The following RBMS3 variants were observed in gnomAD, a reference collection of about 807,000 sequenced individuals.
The protein encoded by RBMS3 is RNA-binding motif, single-stranded-interacting protein 3.
RBMS3 carries 27 observed loss-of-function variants against 66.8 expected under a neutral mutation model. The observed-to-expected ratio is 0.40, with a 90% confidence interval of 0.30 to 0.56. RBMS3 has a LOEUF of 0.56. Among genes scored for constraint, RBMS3 ranks in the 20% least tolerant of loss-of-function variants. RBMS3 has a pLI of 0.40. For synonymous variants in RBMS3, 188 were observed against 183.0 expected, an observed-to-expected ratio of 1.03 and a Z score of -0.22; for missense variants, 513 against 549.5, an observed-to-expected ratio of 0.93 and a Z score of 0.66.
chr3:29,585,922 A>G (rs1172661352), intron 3 of RBMS3, among the ~76,000 whole-genome samples: 1 of 152,100 alleles, frequency 6.6e-6, no homozygotes, highest in African/African-American at 2.4e-5. Flanking sequence ...GGAGAAAAAG[A>G]AGACGAGATT....
chr3:29,736,942 T>C (rs2149344855), intron 4 of RBMS3, among the ~76,000 whole-genome samples: 1 of 152,290 alleles, frequency 6.6e-6, no homozygotes, highest in African/African-American at 2.4e-5. Context: ...CTTCTATTTA[T>C]GGCAAGTAAT....
chr3:29,744,783 C>CG (rs559679319), intron 5 of RBMS3, among the ~76,000 whole-genome samples: 1,151 of 87,776 alleles, frequency 0.013, 20 homozygotes, highest in African/African-American at 0.024. Context: ...GACTCCGTCT[C>CG]GGAAAAAAAA....
At position 29,962,551 on chromosome 3, in the gene RBMS3, C is replaced by CATATATATATATATATATATATAT. The variant is rs148691765; in HGVS notation, c.1098+18314_1098+18315insTATATATATATATATATATATATA. ...TCTGTTTTTAATATGGGTCAAGACT[C>CATATATATATATATATATATATAT]ATATATATATATATATAATACCATA... On this transcript the variant is annotated intron_variant, in intron 12 of 14. Transcript: ENST00000383767. Among the ~76,000 whole-genome samples the CATATATATATATATATATATATAT allele has an allele frequency of 2.3e-3, 307 of 135,124 alleles. 6 individuals are homozygous for CATATATATATATATATATATATAT. The highest frequency in any genetic ancestry group is 0.019 in the East Asian group (88 of 4,606). The allele number at this position is 135,124 out of a possible 152,430, so 88.6% of individuals were successfully genotyped here. A position where few individuals can be genotyped will look rare whatever the true frequency, so the allele number is the denominator to read the frequency against.
At chr3:29,872,957 G>C (rs1178221110) in intron 7 of RBMS3, among the ~76,000 whole-genome samples, 1 of 152,108 alleles carries the variant, frequency 6.6e-6, no homozygotes, top group Non-Finnish European at 1.5e-5. Flanking sequence ...ATGTGCCTAT[G>C]TGTTTTTGTA....
chr3:29,315,473 T>C (rs1017656609), intron 1 of RBMS3, among the ~76,000 whole-genome samples: 5 of 151,748 alleles, frequency 3.3e-5, no homozygotes, highest in Non-Finnish European at 5.9e-5. Flanking sequence ...TGTGCACATG[T>C]ATATACACAT....
intron 6 of RBMS3, among the ~76,000 whole-genome samples, chr3:29,782,633 C>T (rs1241772303): frequency 1.3e-5 from 2 of 152,028 alleles, no homozygotes; most frequent in African/African-American, 4.8e-5. Flanking sequence ...TCTTTAACAC[C>T]CCCAAAAGAT....
chr3:29,712,013 T>A (rs529918264), intron 4 of RBMS3, among the ~76,000 whole-genome samples: 8 of 152,284 alleles, frequency 5.3e-5, no homozygotes, highest in Admixed American at 1.3e-4. Context: ...CTTTTTCTTC[T>A]TTATGTGATT....
intron 6 of RBMS3, among the ~76,000 whole-genome samples, chr3:29,814,206 G>A (rs1322785790): frequency 1.3e-5 from 2 of 151,816 alleles, no homozygotes; most frequent in Non-Finnish European, 2.9e-5. Flanking sequence ...GTTGAATTTT[G>A]TCAAAGGCCT....
intron 6 of RBMS3, among the ~76,000 whole-genome samples, chr3:29,781,861 C>T (rs928628156): frequency 3.3e-5 from 5 of 151,960 alleles, no homozygotes; most frequent in African/African-American, 1.2e-4. Flanking sequence ...CTGTGACTAC[C>T]GGCTTTCCCC....
intron 14 of RBMS3, among the ~76,000 whole-genome samples, chr3:30,002,680 C>A (rs896121787): frequency 2.0e-5 from 3 of 151,978 alleles, no homozygotes; most frequent in African/African-American, 7.2e-5. Context: ...TATTCGATCT[C>A]TCAACTAGTT....
At chr3:29,891,708 G>C (rs746120886) in intron 8 of RBMS3, among the ~76,000 whole-genome samples, 10 of 151,488 alleles carry the variant, frequency 6.6e-5, no homozygotes, top group Non-Finnish European at 1.2e-4. Flanking sequence ...ACGTGAAAAA[G>C]AATGTTTTCT....
At chr3:29,895,903 T>TA (rs1025703639) in intron 8 of RBMS3, among the ~76,000 whole-genome samples, 217 of 143,922 alleles carry the variant, frequency 1.5e-3, no homozygotes, top group Middle Eastern at 7.2e-3. Flanking sequence ...GTATTGTCTT[T>TA]AAAAAAAAAA....
Position 29,668,761 on chromosome 3 carries a change from C to G in RBMS3, c.400-70959C>G, listed in dbSNP as rs569229299. Among the ~76,000 whole-genome samples the G allele has an allele frequency of 2.0e-5, 3 of 152,310 alleles. No homozygotes were observed. In the South Asian group the frequency reaches 6.2e-4, roughly 32 times the overall value. On this transcript the variant is annotated intron_variant, in intron 4 of 14. Coordinates refer to ENST00000383767, the MANE Select transcript of RBMS3 (RefSeq NM_001003793.3). ...AGAATCACAGAATTTAAGAGCTTGC[C>G]TGATCCTTGATATCCTTTTGCCTGT...
chr3:29,467,052 A>G (rs1237582995), intron 2 of RBMS3, among the ~76,000 whole-genome samples: 1 of 152,198 alleles, frequency 6.6e-6, no homozygotes, highest in Non-Finnish European at 1.5e-5. Context: ...GGCCCAAGTG[A>G]AAATGTATAA....
chr3:30,002,622 AAC>A (rs1699661681), intron 14 of RBMS3, among the ~76,000 whole-genome samples: 1 of 152,066 alleles, frequency 6.6e-6, no homozygotes, highest in South Asian at 2.1e-4. Flanking sequence ...TTTCTCATAT[AAC>A]ACAGTAATAT....
chr3:29,721,086 C>T (rs928856620), intron 4 of RBMS3, among the ~76,000 whole-genome samples: 6 of 151,996 alleles, frequency 3.9e-5, no homozygotes, highest in South Asian at 2.1e-4. Flanking sequence ...ACACTGCAAG[C>T]GGCAATTTAG....
rs796976761 is a variant in RBMS3, at chr3:29,555,649, C to CA, written c.308-31460dup. Among the ~76,000 whole-genome samples the CA allele has an allele frequency of 1.2e-4, 18 of 152,216 alleles. 1 individual carries two copies. The highest frequency in any genetic ancestry group is 4.3e-4 in the African/African-American group (18 of 41,530). ...AGAAATCAGAATGTTTATCCAGTAG[C>CA]AAAAATCTCAGGAATTTATTGAGAT... On this transcript the variant is annotated intron_variant, in intron 3 of 14. Coordinates refer to ENST00000383767, the MANE Select transcript of RBMS3 (RefSeq NM_001003793.3).
At chr3:29,378,043 A>C (rs1412870829) in intron 1 of RBMS3, among the ~76,000 whole-genome samples, 2 of 152,186 alleles carry the variant, frequency 1.3e-5, no homozygotes, top group Non-Finnish European at 2.9e-5. Flanking sequence ...TAGGGAAAGC[A>C]AAAAGTTAAG....
chr3:29,388,263 G>T (rs1210993197), intron 1 of RBMS3, among the ~76,000 whole-genome samples: 1 of 152,158 alleles, frequency 6.6e-6, no homozygotes, highest in African/African-American at 2.4e-5. Flanking sequence ...CTTGTTGTCT[G>T]ACTCTCTGTA....
Sources: gnomAD v4.1 joint callset for allele counts (sites outside exome capture counted in the v4.1 genomes callset) on GRCh38, gnomAD v4.1.1 for gene constraint, MANE v1.5 for transcripts, NCBI Gene and HGNC (gene_info 2026-07-23, HGNC 2026-07-21) for gene names.